Variants in HSD17B12 observed in about 807,000 individuals in gnomAD.
HSD17B12 encodes the protein hydroxysteroid 17-beta dehydrogenase 12.
In HSD17B12, 32 loss-of-function variants were observed where a neutral mutation model predicts 39.3. The observed-to-expected ratio is 0.81, with a 90% confidence interval of 0.61 to 1.09. The LOEUF (loss-of-function observed/expected upper bound fraction) is 1.09. HSD17B12 is among the 50% of genes least tolerant of loss of function. HSD17B12 has a pLI of 0.00. For synonymous variants in HSD17B12, 150 were observed against 146.7 expected, an observed-to-expected ratio of 1.02 and a Z score of -0.16; for missense variants, 342 against 382.9, an observed-to-expected ratio of 0.89 and a Z score of 0.89.
chr11:43,690,379 TATATATATA>T (rs1396070166), intron 1 of HSD17B12, among the ~76,000 whole-genome samples: 325 of 12,850 alleles, frequency 0.025, 22 homozygotes, highest in South Asian at 0.062. Context: ...TATATATATA[TATATATATA>T]TATATATATA....
At chr11:43,708,310 G>A (rs929775614) in intron 1 of HSD17B12, among the ~76,000 whole-genome samples, 7 of 152,092 alleles carry the variant, frequency 4.6e-5, no homozygotes, top group African/African-American at 1.7e-4. Flanking sequence ...ATAGGCTATT[G>A]TTTTACACAT....
At chr11:43,708,438 T>C (rs1212624382) in intron 1 of HSD17B12, among the ~76,000 whole-genome samples, 2 of 152,202 alleles carry the variant, frequency 1.3e-5, no homozygotes, top group African/African-American at 2.4e-5. Flanking sequence ...TTAGGACTTA[T>C]TAGGTTTATA....
chr11:43,760,771 C>G (rs2134964665), intron 3 of HSD17B12, among the ~76,000 whole-genome samples: 1 of 152,268 alleles, frequency 6.6e-6, no homozygotes, highest in South Asian at 2.1e-4. Flanking sequence ...TAGTAAACAC[C>G]TGTAGACCTT....
At chr11:43,571,923 T>G in the HSD17B12 span, among the ~76,000 whole-genome samples, 15 of 152,204 alleles carry the variant, frequency 9.9e-5, no homozygotes, top group Non-Finnish European at 1.9e-4. Flanking sequence ...GTGGCCTATC[T>G]ACCCCCACCG....
At position 43,820,961 on chromosome 11, in the gene HSD17B12, G is replaced by A. The variant is rs72640896; in HGVS notation, c.501+4570G>A. The stretch of plus-strand genomic sequence containing the variant: ...TGATTGTAAAAATCACATAAGTTCC[G>A]TGTTTCAATAGAGGAATGACAGAAG... On this transcript the variant is annotated intron_variant, in intron 6 of 10. Transcript: ENST00000278353. 6.2e-4 allele frequency among the ~76,000 whole-genome samples: 95 copies of A among 152,278 alleles called. 3 individuals are homozygous for A. The East Asian group carries it at 0.016, about 26-fold the overall frequency.
At chr11:43,828,175 C>T (rs11037661) in intron 6 of HSD17B12, among the ~76,000 whole-genome samples, 124 of 146,072 alleles carry the variant, frequency 8.5e-4, no homozygotes, top group Non-Finnish European at 1.7e-3. Context: ...CGGAGTCTCG[C>T]TCTGTCGCCC....
intron 1 of HSD17B12, chr11:43,718,616 A>G: frequency 1.6e-6 from 1 of 612,800 alleles, no homozygotes. Flanking sequence ...ATCTGGGCAC[A>G]TGTTACTAAG....
chr11:43,611,948 C>T, the HSD17B12 span, among the ~76,000 whole-genome samples: 1 of 152,168 alleles, frequency 6.6e-6, no homozygotes, highest in Non-Finnish European at 1.5e-5. Flanking sequence ...TCTACTCTTG[C>T]TTGGACTTAT....
chr11:43,670,228 C>T, the HSD17B12 span: 1 of 152,104 alleles, frequency 6.6e-6, no homozygotes. Context: ...AGGACAGGTC[C>T]CATAGAGGGA....
At chr11:43,611,672 G>A in the HSD17B12 span, among the ~76,000 whole-genome samples, 1 of 152,200 alleles carries the variant, frequency 6.6e-6, no homozygotes, top group South Asian at 2.1e-4. Context: ...GGTGACAGCT[G>A]GGGCTGGAGC....
chr11:43,799,948 T>C lies in HSD17B12; in HGVS notation c.391+1521T>C, dbSNP rs1238014238. 2.6e-5 allele frequency among the ~76,000 whole-genome samples: 4 copies of C among 152,266 alleles called. No homozygotes were observed. In the East Asian group the frequency reaches 7.7e-4, roughly 29 times the overall value. ...ATACCGACACCACTACTCCCTCACTTATAGGAAGACCAATAGGTAAAAATG... is the reference window on the plus strand; with the variant it reads ...ATACCGACACCACTACTCCCTCACTCATAGGAAGACCAATAGGTAAAAATG... On this transcript the variant is annotated intron_variant, in intron 4 of 10. Transcript: ENST00000278353.
intron 3 of HSD17B12, among the ~76,000 whole-genome samples, chr11:43,769,219 C>T (rs957551368): frequency 6.6e-6 from 1 of 152,224 alleles, no homozygotes; most frequent in Non-Finnish European, 1.5e-5. Context: ...AGATTATAGG[C>T]GTGAGCCACT....
the HSD17B12 span, among the ~76,000 whole-genome samples, chr11:43,617,273 C>T: frequency 6.6e-6 from 1 of 152,254 alleles, no homozygotes; most frequent in Non-Finnish European, 1.5e-5. Context: ...AACCAGATGA[C>T]CATGATTGTG....
At chr11:43,728,611 C>T (rs1950242051) in intron 1 of HSD17B12, among the ~76,000 whole-genome samples, 2 of 152,144 alleles carry the variant, frequency 1.3e-5, no homozygotes, top group African/African-American at 2.4e-5. Flanking sequence ...ACTTGTTACT[C>T]CTCCCACTGT....
intron 3 of HSD17B12, among the ~76,000 whole-genome samples, chr11:43,761,785 C>A (rs1054600889): frequency 6.6e-6 from 1 of 152,182 alleles, no homozygotes; most frequent in Non-Finnish European, 1.5e-5. Context: ...CTATATTCCC[C>A]CAGAGTGAAC....
At chr11:43,587,685 G>A in the HSD17B12 span, among the ~76,000 whole-genome samples, 1 of 152,314 alleles carries the variant, frequency 6.6e-6, no homozygotes. Flanking sequence ...TCTCAGCCTG[G>A]TCCTGCAGAA....
chr11:43,818,026 G>C (rs1363389270), intron 6 of HSD17B12, among the ~76,000 whole-genome samples: 1 of 152,074 alleles, frequency 6.6e-6, no homozygotes, highest in African/African-American at 2.4e-5. Flanking sequence ...CCTTTCAGCA[G>C]TGTTTTTTAG....
intron 1 of HSD17B12, among the ~76,000 whole-genome samples, chr11:43,688,933 G>A (rs1164499158): frequency 1.3e-5 from 2 of 152,156 alleles, no homozygotes; most frequent in Non-Finnish European, 2.9e-5. Flanking sequence ...ATATATTTAA[G>A]AGCATCATTT....
At chr11:43,599,142 A>G in the HSD17B12 span, among the ~76,000 whole-genome samples, 1 of 152,198 alleles carries the variant, frequency 6.6e-6, no homozygotes, top group African/African-American at 2.4e-5. Context: ...TTATACCTAG[A>G]TAAAAAGTTT....
Sources: gnomAD v4.1 joint callset for allele counts (sites outside exome capture counted in the v4.1 genomes callset) on GRCh38, gnomAD v4.1.1 for gene constraint, MANE v1.5 for transcripts, NCBI Gene and HGNC (gene_info 2026-07-23, HGNC 2026-07-21) for gene names.